Variants in DOCK4 observed in about 807,000 individuals in gnomAD.
DOCK4 encodes the protein dedicator of cytokinesis 4.
Under a neutral mutation model 268.1 loss-of-function variants are expected in DOCK4, and 97 were observed. The observed-to-expected ratio is 0.36, with a 90% confidence interval of 0.31 to 0.43. DOCK4 has a LOEUF of 0.43. DOCK4 is among the 20% of genes least tolerant of loss of function. The pLI is 1.00. For missense variants in DOCK4, 2,145 were observed against 2,455.7 expected (o/e 0.87, Z 2.67); for synonymous variants, 954 against 887.2 (o/e 1.08, Z -1.34).
intron 1 of DOCK4, among the ~76,000 whole-genome samples, chr7:112,082,786 T>C (rs1270919752): frequency 6.6e-6 from 1 of 152,146 alleles, no homozygotes; most frequent in Non-Finnish European, 1.5e-5. Flanking sequence ...ACATTTTATA[T>C]CAGAAACAAC....
chr7:111,843,812 G>C (rs1803880645), intron 25 of DOCK4, among the ~76,000 whole-genome samples: 1 of 152,172 alleles, frequency 6.6e-6, no homozygotes, highest in South Asian at 2.1e-4. Flanking sequence ...GTGGCTTGAT[G>C]TTATAATCTG....
At chr7:112,130,395 T>C (rs1315600297) in intron 1 of DOCK4, among the ~76,000 whole-genome samples, 1 of 152,188 alleles carries the variant, frequency 6.6e-6, no homozygotes, top group Non-Finnish European at 1.5e-5. Flanking sequence ...CTCTTTATAT[T>C]TTAAGATGCC....
At chr7:112,105,490 TA>T (rs1252384679) in intron 1 of DOCK4, among the ~76,000 whole-genome samples, 1 of 151,866 alleles carries the variant, frequency 6.6e-6, no homozygotes, top group Non-Finnish European at 1.5e-5. Context: ...ACATTGTAAC[TA>T]TATGAGTTAA....
At chr7:111,738,985 A>G in intron 49 of DOCK4, 149 bp downstream of exon 49, 2 of 629,130 alleles carry the variant, frequency 3.2e-6, no homozygotes, top group Non-Finnish European at 5.6e-6. Flanking sequence ...AACCATGGGC[A>G]GAAAACAGAG....
rs1799935952 is a variant in DOCK4, at chr7:111,796,920, C to A, written c.3167-6315G>T. ...ACCATGCCTTCAACCATGGGCAGCA[C>A]GTTTAACATGGTGCCGAGATCCAAA... On this transcript the variant is annotated intron_variant, in intron 30 of 52. Coordinates refer to ENST00000428084, the MANE Select transcript of DOCK4 (RefSeq NM_001363540.2). 2.6e-5 allele frequency among the ~76,000 whole-genome samples: 4 copies of A among 152,122 alleles called. No individual in the cohort carries two copies. The South Asian group carries it at 8.3e-4, about 31-fold the overall frequency.
At chr7:111,991,359 A>T (rs907209163) in intron 5 of DOCK4, among the ~76,000 whole-genome samples, 5 of 152,216 alleles carry the variant, frequency 3.3e-5, no homozygotes, top group African/African-American at 1.2e-4. Context: ...TCATAAAATC[A>T]TGATTCTTTA....
At chr7:111,748,982 G>GT (rs1460287357) in intron 42 of DOCK4, among the ~76,000 whole-genome samples, 1 of 152,104 alleles carries the variant, frequency 6.6e-6, no homozygotes, top group Non-Finnish European at 1.5e-5. Flanking sequence ...CAAGTAGTAT[G>GT]TTATATAACG....
At chr7:111,997,168 G>A (rs1387191570) in intron 4 of DOCK4, among the ~76,000 whole-genome samples, 1 of 152,240 alleles carries the variant, frequency 6.6e-6, no homozygotes, top group Non-Finnish European at 1.5e-5. Context: ...TGGTTTACTG[G>A]AGGGAGGCTG....
chr7:112,117,719 C>T (rs948134980), intron 1 of DOCK4, among the ~76,000 whole-genome samples: 3 of 152,094 alleles, frequency 2.0e-5, no homozygotes, highest in African/African-American at 7.2e-5. Context: ...TTGGATGTTG[C>T]GTCTGTTTGC....
At position 111,926,870 on chromosome 7, in the gene DOCK4, A is replaced by AAAGGAAGGAAGGAAGGAAGG. The variant is rs143004189; in HGVS notation, c.1066+8650_1066+8669dup. 4.8e-3 allele frequency among the ~76,000 whole-genome samples: 717 copies of AAAGGAAGGAAGGAAGGAAGG among 149,992 alleles called. 7 individuals are homozygous for AAAGGAAGGAAGGAAGGAAGG. The highest frequency in any genetic ancestry group is 0.017 in the African/African-American group (672 of 40,152). ...GAAAGAGAAAAAGAGAGAGAGAGAG[A>AAAGGAAGGAAGGAAGGAAGG]AAGGAAGGAAGGAAGGAAGGAAGGA... On this transcript the variant is annotated intron_variant, in intron 12 of 52. Coordinates refer to ENST00000428084, the MANE Select transcript of DOCK4 (RefSeq NM_001363540.2).
intron 22 of DOCK4, among the ~76,000 whole-genome samples, chr7:111,864,539 A>G (rs1253962749): frequency 6.6e-6 from 1 of 152,194 alleles, no homozygotes; most frequent in Non-Finnish European, 1.5e-5. Context: ...TGATGATTCA[A>G]ACACAGACTC....
intron 41 of DOCK4, among the ~76,000 whole-genome samples, chr7:111,757,250 A>C (rs1179919750): frequency 1.3e-5 from 2 of 151,946 alleles, no homozygotes; most frequent in Non-Finnish European, 2.9e-5. Flanking sequence ...TTTTTTAGGG[A>C]GATTGCTGCG....
At chr7:112,070,320 C>T (rs948370417) in intron 1 of DOCK4, among the ~76,000 whole-genome samples, 3 of 152,008 alleles carry the variant, frequency 2.0e-5, no homozygotes, top group Admixed American at 6.6e-5. Flanking sequence ...TTCAGCACTT[C>T]GGGCTTAAGC....
chr7:111,783,111 A>G (rs553953906), intron 34 of DOCK4, among the ~76,000 whole-genome samples, 187 bp from the exon 35 acceptor site: 1 of 152,282 alleles, frequency 6.6e-6, no homozygotes, highest in African/African-American at 2.4e-5. Context: ...AGGACTGATA[A>G]TCTAATCTCT....
At chr7:112,157,672 C>T (rs773958848) in intron 1 of DOCK4, among the ~76,000 whole-genome samples, 18 of 152,092 alleles carry the variant, frequency 1.2e-4, no homozygotes, top group South Asian at 2.1e-4. Flanking sequence ...ATATTTCAGA[C>T]GGAGAGAGCT....
intron 27 of DOCK4, among the ~76,000 whole-genome samples, chr7:111,814,428 T>C (rs928277816): frequency 6.6e-6 from 1 of 152,024 alleles, no homozygotes; most frequent in African/African-American, 2.4e-5. Flanking sequence ...AACATCAGGA[T>C]TGTCAAAGCT....
At chr7:112,099,865 A>T (rs1338776492) in intron 1 of DOCK4, among the ~76,000 whole-genome samples, 2 of 152,244 alleles carry the variant, frequency 1.3e-5, no homozygotes, top group East Asian at 3.8e-4. Context: ...CTGTAAGTAG[A>T]CTATAATAAA....
At chr7:111,731,666 G>A (rs1018941872) in intron 52 of DOCK4, among the ~76,000 whole-genome samples, 1 of 152,092 alleles carries the variant, frequency 6.6e-6, no homozygotes, top group African/African-American at 2.4e-5. Context: ...TTGTTCCCTA[G>A]AAATCTTTTA....
At chr7:111,786,440 C>A (rs1232472139) in intron 32 of DOCK4, among the ~76,000 whole-genome samples, 3 of 152,080 alleles carry the variant, frequency 2.0e-5, no homozygotes, top group Non-Finnish European at 4.4e-5. Context: ...TGTCTATAAT[C>A]TAGAATTTCA....
Sources: allele counts gnomAD v4.1 joint callset (sites outside exome capture counted in the v4.1 genomes callset), GRCh38; gene constraint gnomAD v4.1.1; transcripts MANE v1.5; gene names NCBI Gene and HGNC (gene_info 2026-07-23, HGNC 2026-07-21).